Variants in SMAD3 observed in about 807,000 individuals in gnomAD.
SMAD3 encodes MAD homolog 3.
Under a neutral mutation model 51.8 loss-of-function variants are expected in SMAD3, and 12 were observed. The ratio of observed to expected loss-of-function variants is 0.23; its 90% CI spans 0.15 to 0.38. SMAD3 has a LOEUF of 0.38. SMAD3 is among the 10% of genes least tolerant of loss of function. The probability of loss-of-function intolerance (pLI) is 1.00; values close to 1 mark genes in which losing one functional copy is unlikely to be tolerated. For synonymous variants in SMAD3, 238 were observed against 227.7 expected (o/e 1.05, Z -0.41); for missense variants, 294 against 565.6 (o/e 0.52, Z 4.87).
At chr15:67,073,195 C>G (rs982199730) in intron 1 of SMAD3, among the ~76,000 whole-genome samples, 25 of 152,240 alleles carry the variant, frequency 1.6e-4, no homozygotes, top group African/African-American at 6.0e-4. Flanking sequence ...CTTTCTCTTT[C>G]TCTCTGTATA....
At chr15:67,075,914 CA>C (rs397702867) in intron 1 of SMAD3, among the ~76,000 whole-genome samples, 119 of 140,022 alleles carry the variant, frequency 8.5e-4, no homozygotes, top group Middle Eastern at 3.7e-3. Context: ...GACTCTGTCT[CA>C]AAAAAAAAAA....
At chr15:67,112,154 C>CTTTTTTTTTTTTTTTTT (rs753530213) in intron 1 of SMAD3, among the ~76,000 whole-genome samples, 1 of 90,426 alleles carries the variant, frequency 1.1e-5, no homozygotes, top group Non-Finnish European at 1.9e-5. Context: ...TTTTTCTTTC[C>CTTTTTTTTTTTTTTTTT]TTTTTTTTTT....
At chr15:67,178,253 G>A (rs372449679) in intron 5 of SMAD3, among the ~76,000 whole-genome samples, 3 of 152,254 alleles carry the variant, frequency 2.0e-5, no homozygotes, top group East Asian at 3.9e-4. Context: ...AGCACCATGC[G>A]ACACAATGGG....
intron 1 of SMAD3, among the ~76,000 whole-genome samples, chr15:67,082,749 C>T (rs1960304727): frequency 6.6e-6 from 1 of 152,152 alleles, no homozygotes; most frequent in Admixed American, 6.5e-5. Flanking sequence ...GTGCAAGTGC[C>T]CTTTCATTCC....
intron 1 of SMAD3, among the ~76,000 whole-genome samples, chr15:67,086,109 G>A (rs1031937229): frequency 1.3e-5 from 2 of 150,684 alleles, no homozygotes; most frequent in Admixed American, 1.3e-4. Flanking sequence ...GGTGCAGGGG[G>A]GTGGAGCTGG....
At chr15:67,149,233 G>GC (rs1962060357) in intron 1 of SMAD3, among the ~76,000 whole-genome samples, 1 of 152,124 alleles carries the variant, frequency 6.6e-6, no homozygotes, top group Non-Finnish European at 1.5e-5. Context: ...TACTGTGGCT[G>GC]CAACATTTTA....
At chr15:67,087,514 G>A (rs1960418997) in intron 1 of SMAD3, among the ~76,000 whole-genome samples, 1 of 152,180 alleles carries the variant, frequency 6.6e-6, no homozygotes, top group Non-Finnish European at 1.5e-5. Flanking sequence ...CTGCATTTCA[G>A]GTATGGATGG....
At chr15:67,160,413 A>G (rs1296862495) in intron 1 of SMAD3, among the ~76,000 whole-genome samples, 1 of 152,146 alleles carries the variant, frequency 6.6e-6, no homozygotes, top group Non-Finnish European at 1.5e-5. Flanking sequence ...GCATCTTTTC[A>G]TATGCTTGTT....
chr15:67,179,428 C>T (rs1214244621), intron 5 of SMAD3, among the ~76,000 whole-genome samples: 1 of 152,024 alleles, frequency 6.6e-6, no homozygotes, highest in Non-Finnish European at 1.5e-5. Flanking sequence ...CACCCATCCA[C>T]CCACCCAACA....
intron 1 of SMAD3, among the ~76,000 whole-genome samples, chr15:67,080,202 A>G (rs1378440429): frequency 6.6e-6 from 1 of 152,220 alleles, no homozygotes; most frequent in Non-Finnish European, 1.5e-5. Flanking sequence ...GGGAATGTGC[A>G]AATTATGTCC....
intron 3 of SMAD3, 114 bp downstream of exon 3, chr15:67,165,498 T>C: frequency 1.5e-6 from 2 of 1,312,916 alleles, no homozygotes; most frequent in Non-Finnish European, 2.1e-6. Context: ...CACCCCCTCT[T>C]TGCGCACAGC....
chr15:67,138,344 A>AC (rs530749973), intron 1 of SMAD3: 14 of 418,254 alleles, frequency 3.3e-5, no homozygotes, highest in Middle Eastern at 6.5e-4. Flanking sequence ...CCTCCCCTGA[A>AC]CCCCCCCTCC....
At chr15:67,114,526 AC>A (rs1186730795) in intron 1 of SMAD3, among the ~76,000 whole-genome samples, 1 of 152,328 alleles carries the variant, frequency 6.6e-6, no homozygotes, top group Admixed American at 6.5e-5. Context: ...CTTAAGAGAA[AC>A]AAAAAATAGA....
chr15:67,172,981 C>T (rs1007707189), intron 5 of SMAD3, among the ~76,000 whole-genome samples: 2 of 152,156 alleles, frequency 1.3e-5, no homozygotes, highest in Admixed American at 6.5e-5. Flanking sequence ...GTCTGCCTGC[C>T]GTTCAGGTGG....
chr15:67,169,937 C>T (rs1210898738), intron 4 of SMAD3, among the ~76,000 whole-genome samples: 2 of 152,132 alleles, frequency 1.3e-5, no homozygotes, highest in African/African-American at 2.4e-5. Context: ...GACTTTTTCC[C>T]ACGTGCATCA....
At chr15:67,167,236 G>T (rs958285222) in intron 4 of SMAD3, among the ~76,000 whole-genome samples, 2 of 152,320 alleles carry the variant, frequency 1.3e-5, no homozygotes, top group African/African-American at 2.4e-5. Context: ...TGGGCAAGGG[G>T]TGTGCCAGGC....
In SMAD3 at chr15:67,190,923, T is replaced by G; in HGVS notation, c.*387T>G. On this transcript the variant is annotated 3_prime_UTR_variant, in exon 9 of 9. Coordinates refer to ENST00000327367, the MANE Select transcript of SMAD3 (RefSeq NM_005902.4). The stretch of plus-strand genomic sequence containing the variant: ...CTCTGTCTAGGACTGCAGTGTGGAG[T>G]TCACCTTGGAAGGGCGTTCTAGGTA... 1 of 312,850 alleles carries G rather than the reference T, an allele frequency of 3.2e-6. No homozygotes were observed. Among genetic ancestry groups the G allele is most frequent in the South Asian group, 6.5e-5 (1 of 15,390 alleles). The allele number at this position is 312,850 out of a possible 1,614,324, so 19.4% of individuals were successfully genotyped here. A position where few individuals can be genotyped will look rare whatever the true frequency, so the allele number is the denominator to read the frequency against.
chr15:67,083,206 T>G (rs12910698), intron 1 of SMAD3, among the ~76,000 whole-genome samples: 83,141 of 152,128 alleles, frequency 0.55, 22,948 homozygotes, highest in South Asian at 0.73. Flanking sequence ...ATGGTCCAAG[T>G]TCACCACTCA....
chr15:67,183,021 ATATATATATATTTTTTTTT>A (rs1963120083), intron 6 of SMAD3, among the ~76,000 whole-genome samples: 3 of 73,380 alleles, frequency 4.1e-5, no homozygotes, highest in African/African-American at 2.0e-4. Flanking sequence ...ATATATATAT[ATATATATATATTTTTTTTT>A]TTTTTTTTTT....
Sources: allele counts gnomAD v4.1 joint callset (sites outside exome capture counted in the v4.1 genomes callset), GRCh38; gene constraint gnomAD v4.1.1; transcripts MANE v1.5; gene names NCBI Gene and HGNC (gene_info 2026-07-23, HGNC 2026-07-21).